Variants in EPHA6 observed in about 807,000 individuals in gnomAD.
EPHA6 encodes the protein ephrin type-A receptor 6.
In EPHA6, 50 loss-of-function variants were observed where a neutral mutation model predicts 112.0. The ratio of observed to expected loss-of-function variants is 0.45; its 90% CI spans 0.36 to 0.56. The LOEUF is 0.56. Ranked by LOEUF, EPHA6 falls within the 20% of genes least tolerant of loss-of-function variation. The probability of loss-of-function intolerance (pLI) is 0.00; values close to 1 mark genes in which losing one functional copy is unlikely to be tolerated. For missense variants in EPHA6, 1,280 were observed against 1,417.4 expected (o/e 0.90, Z 1.56); for synonymous variants, 529 against 490.7 (o/e 1.08, Z -1.03).
intron 5 of EPHA6, among the ~76,000 whole-genome samples, chr3:97,292,171 A>T (rs528846415): frequency 8.4e-4 from 128 of 152,330 alleles, no homozygotes; most frequent in Middle Eastern, 6.8e-3. Flanking sequence ...GAACAAGGGG[A>T]ACCTGATGGC....
intron 3 of EPHA6, among the ~76,000 whole-genome samples, chr3:97,212,962 C>G (rs1369272048): frequency 6.6e-6 from 1 of 152,160 alleles, no homozygotes; most frequent in Admixed American, 6.5e-5. Flanking sequence ...ATGTCCTCTT[C>G]TCTACATAAC....
chr3:97,456,335 A>C (rs1008336607), intron 7 of EPHA6, among the ~76,000 whole-genome samples: 13 of 152,092 alleles, frequency 8.5e-5, no homozygotes, highest in African/African-American at 3.1e-4. Flanking sequence ...TATTAACTAT[A>C]GTCACCATGC....
At chr3:97,555,178 G>A (rs956480281) in intron 11 of EPHA6, among the ~76,000 whole-genome samples, 3 of 151,652 alleles carry the variant, frequency 2.0e-5, no homozygotes, top group African/African-American at 7.3e-5. Context: ...AGAACATGCG[G>A]TGTTTGGTTT....
chr3:97,259,285 CAAT>C (rs1018382950), intron 5 of EPHA6, among the ~76,000 whole-genome samples: 1 of 152,092 alleles, frequency 6.6e-6, no homozygotes, highest in African/African-American at 2.4e-5. Context: ...TTAGGCATAA[CAAT>C]AAGAATATCT....
intron 5 of EPHA6, among the ~76,000 whole-genome samples, chr3:97,374,939 A>G (rs2085265145): frequency 6.6e-6 from 1 of 152,154 alleles, no homozygotes; most frequent in African/African-American, 2.4e-5. Context: ...GTTTGAGTCA[A>G]CACTTATTAG....
intron 3 of EPHA6, among the ~76,000 whole-genome samples, chr3:97,193,740 T>C (rs946203944): frequency 1.3e-5 from 2 of 152,022 alleles, no homozygotes; most frequent in African/African-American, 2.4e-5. Context: ...GCCTTCAGTA[T>C]TTTTCCCATA....
At chr3:96,878,530 G>A (rs2037113337) in intron 2 of EPHA6, among the ~76,000 whole-genome samples, 1 of 151,958 alleles carries the variant, frequency 6.6e-6, no homozygotes, top group African/African-American at 2.4e-5. Flanking sequence ...AGAATAGTTA[G>A]AAAAATTCAA....
At chr3:97,061,007 G>A (rs2046004699) in intron 3 of EPHA6, among the ~76,000 whole-genome samples, 1 of 149,828 alleles carries the variant, frequency 6.7e-6, no homozygotes, top group Non-Finnish European at 1.5e-5. Flanking sequence ...AAAAAGCTTA[G>A]CATAGAGAAA....
rs372210040 is a variant in EPHA6, at chr3:97,347,074, A to G, written c.1607-58076A>G. On this transcript the variant is annotated intron_variant, in intron 5 of 17. Transcript: ENST00000389672. The stretch of plus-strand genomic sequence containing the variant: ...AAAAGAGGAAAAATGGTAATTGGAG[A>G]GACCACCAGTTGTCTCTGAAATGTA... 1.2e-3 allele frequency among the ~76,000 whole-genome samples: 190 copies of G among 152,222 alleles called. 2 individuals carry two copies. Among genetic ancestry groups the G allele is most frequent in the African/African-American group, 4.1e-3 (171 of 41,558 alleles).
At chr3:97,549,268 T>G (rs1317766863) in intron 11 of EPHA6, among the ~76,000 whole-genome samples, 1 of 152,206 alleles carries the variant, frequency 6.6e-6, no homozygotes, top group Non-Finnish European at 1.5e-5. Context: ...GTGCTTGATT[T>G]AATCTTGTGT....
At chr3:96,923,575 C>T (rs975191291) in intron 2 of EPHA6, among the ~76,000 whole-genome samples, 3 of 151,476 alleles carry the variant, frequency 2.0e-5, no homozygotes, top group African/African-American at 4.9e-5. Flanking sequence ...TTTATCCTAT[C>T]TTGTAGGTTG....
Position 97,749,804 on chromosome 3 carries a change from GTTC to G in EPHA6, c.*1106_*1108del, listed in dbSNP as rs1559647444. 2.0e-5 allele frequency among the ~76,000 whole-genome samples: 3 copies of G among 152,138 alleles called. No individual in the cohort carries two copies. Among genetic ancestry groups the G allele is most frequent in the African/African-American group, 4.8e-5 (2 of 41,450 alleles). On this transcript the variant is annotated 3_prime_UTR_variant, in exon 18 of 18. Coordinates refer to ENST00000389672, the MANE Select transcript of EPHA6 (RefSeq NM_001080448.3). Reference sequence around the variant, plus strand: ...ATTGGCACATTTTGCAAGTTGAAGCGTTCTTATGTTTTCTTTGCAAAAATAGTT... The same window carrying G: ...ATTGGCACATTTTGCAAGTTGAAGCGTTATGTTTTCTTTGCAAAAATAGTT...
intron 2 of EPHA6, among the ~76,000 whole-genome samples, chr3:96,893,994 A>G (rs761559001): frequency 2.0e-5 from 3 of 152,224 alleles, no homozygotes; most frequent in African/African-American, 4.8e-5. Context: ...AATCTCCAAT[A>G]TGGATGAAAC....
chr3:97,223,856 G>C (rs896216620), intron 3 of EPHA6, among the ~76,000 whole-genome samples: 2 of 152,066 alleles, frequency 1.3e-5, no homozygotes, highest in African/African-American at 2.4e-5. Context: ...ACATTAATAT[G>C]GTCGGAAATT....
rs150059324 is a variant in EPHA6, at chr3:96,978,295, A to G, written c.451-9035A>G. Among the ~76,000 whole-genome samples, 132 of 152,298 alleles carry G rather than the reference A, an allele frequency of 8.7e-4. 1 individual carries two copies. The highest frequency in any genetic ancestry group is 3.0e-3 in the African/African-American group (126 of 41,574). On this transcript the variant is annotated intron_variant, in intron 2 of 17. Transcript: ENST00000389672. ...CTGAAGAGAAGGGTAAAGTGGAAGC[A>G]TTGGTCTTGCTGTTTCAGAGGTGGC... is the stretch of plus-strand genomic sequence containing the variant.
At chr3:96,825,111 G>C (rs770542333) in intron 1 of EPHA6, among the ~76,000 whole-genome samples, 1 of 151,826 alleles carries the variant, frequency 6.6e-6, no homozygotes, top group African/African-American at 2.4e-5. Context: ...GAATTAAGAT[G>C]AATGACTACT....
intron 7 of EPHA6, among the ~76,000 whole-genome samples, chr3:97,453,676 A>G (rs2090594276): frequency 6.6e-6 from 1 of 151,782 alleles, no homozygotes; most frequent in East Asian, 1.9e-4. Flanking sequence ...AAAAAGTGGT[A>G]TGTAGATACA....
At chr3:97,253,018 G>T (rs1252845858) in intron 5 of EPHA6, among the ~76,000 whole-genome samples, 1 of 152,134 alleles carries the variant, frequency 6.6e-6, no homozygotes, top group Non-Finnish European at 1.5e-5. Context: ...AAAGATGCCT[G>T]TGTGTTTGAG....
intron 13 of EPHA6, among the ~76,000 whole-genome samples, chr3:97,626,173 C>A (rs1008616107): frequency 6.6e-6 from 1 of 151,666 alleles, no homozygotes; most frequent in African/African-American, 2.4e-5. Flanking sequence ...AAATCTTCAT[C>A]AAAGTTATTA....
Sources: gnomAD v4.1 joint callset for allele counts (sites outside exome capture counted in the v4.1 genomes callset) on GRCh38, gnomAD v4.1.1 for gene constraint, MANE v1.5 for transcripts, NCBI Gene and HGNC (gene_info 2026-07-23, HGNC 2026-07-21) for gene names.